The following FAM149B1 variants were observed in gnomAD, a reference collection of about 807,000 sequenced individuals.
The protein encoded by FAM149B1 is primary cilium assembly protein FAM149B1.
In FAM149B1, 56 loss-of-function variants were observed where a neutral mutation model predicts 75.3. The ratio of observed to expected loss-of-function variants is 0.74; its 90% CI spans 0.60 to 0.93. The LOEUF (loss-of-function observed/expected upper bound fraction) is 0.93, where lower values mean the gene tolerates loss of function less well. Among genes scored for constraint, FAM149B1 ranks in the 40% least tolerant of loss-of-function variants. The probability of loss-of-function intolerance (pLI) is 0.00; values close to 1 mark genes in which losing one functional copy is unlikely to be tolerated. For synonymous variants in FAM149B1, 259 were observed against 256.1 expected (o/e 1.01, Z -0.11); for missense variants, 639 against 708.4 (o/e 0.90, Z 1.11).
intron 7 of FAM149B1, among the ~76,000 whole-genome samples, chr10:73,226,988 T>C (rs1314355016): frequency 2.0e-5 from 3 of 152,264 alleles, no homozygotes; most frequent in South Asian, 4.1e-4. Flanking sequence ...TATAAAACTC[T>C]GGTGAAATGT....
chr10:73,188,064 C>CA (rs1305458867), intron 3 of FAM149B1, among the ~76,000 whole-genome samples: 1 of 152,114 alleles, frequency 6.6e-6, no homozygotes, highest in African/African-American at 2.4e-5. Context: ...GCCTGAGTGA[C>CA]AGAGCATGAC....
chr10:73,193,430 A>AT, intron 4 of FAM149B1, 47 bp from the exon 5 acceptor site: 1 of 1,526,592 alleles, frequency 6.6e-7, no homozygotes, highest in Non-Finnish European at 8.8e-7. Flanking sequence ...TTTTGTATGT[A>AT]TGCCAGTGAA....
chr10:73,185,922 G>GA (rs1160492281), intron 3 of FAM149B1, among the ~76,000 whole-genome samples: 1 of 152,036 alleles, frequency 6.6e-6, no homozygotes, highest in Non-Finnish European at 1.5e-5. Context: ...TTTCAGAAAA[G>GA]AAAGAACAGT....
Position 73,230,313 on chromosome 10 carries a change from G to A in FAM149B1, c.1024-109G>A. ...GATGTTATAAAAATTAAAGCATGGG[G>A]AAAAAGTATAAATAACCAAATTGGA... On this transcript the variant is annotated intron_variant, in intron 8 of 13. Coordinates refer to ENST00000242505, the MANE Select transcript of FAM149B1 (RefSeq NM_173348.2). 4.5e-6 allele frequency: 3 copies of A among 667,024 alleles called. No individual in the cohort carries two copies. In the Admixed American group the frequency reaches 7.4e-5, roughly 17 times the overall value. The allele number at this position is 667,024 out of a possible 1,614,324, so 41.3% of individuals were successfully genotyped here. A position where few individuals can be genotyped will look rare whatever the true frequency, so the allele number is the denominator to read the frequency against.
At position 73,241,178 on chromosome 10, in the gene FAM149B1, C is replaced by A. The variant is rs929285231; in HGVS notation, c.*159C>A. 5 of 604,842 alleles carry A rather than the reference C, an allele frequency of 8.3e-6. No homozygotes were observed. Among genetic ancestry groups the A allele is most frequent in the South Asian group, 1.8e-5 (1 of 54,154 alleles). 37.5% of individuals were successfully genotyped at this position (604,842 alleles called of 1,614,324 possible). ...GTGACCGAAGAACAAAACACCATAG[C>A]AGCCAAAAATGACATGAGTGTTGTT... On this transcript the variant is annotated 3_prime_UTR_variant, in exon 14 of 14. Coordinates refer to ENST00000242505, the MANE Select transcript of FAM149B1 (RefSeq NM_173348.2).
intron 13 of FAM149B1, among the ~76,000 whole-genome samples, chr10:73,240,636 T>C (rs1032959478): frequency 2.0e-5 from 3 of 149,030 alleles, no homozygotes; most frequent in South Asian, 2.1e-4. Context: ...GAGGTGAACC[T>C]GGGAGGCAGA....
chr10:73,240,329 C>T (rs146589016), intron 13 of FAM149B1, among the ~76,000 whole-genome samples: 1 of 152,274 alleles, frequency 6.6e-6, no homozygotes, highest in East Asian at 1.9e-4. Context: ...AGCTCAGTTC[C>T]CCGCAGCATT....
At chr10:73,172,873 G>A (rs1843773904) in intron 1 of FAM149B1, among the ~76,000 whole-genome samples, 1 of 151,870 alleles carries the variant, frequency 6.6e-6, no homozygotes, top group African/African-American at 2.4e-5. Context: ...GGAGGCTGAG[G>A]TAGGAGGATC....
At chr10:73,232,486 G>A (rs914339373) in intron 9 of FAM149B1, among the ~76,000 whole-genome samples, 1 of 152,188 alleles carries the variant, frequency 6.6e-6, no homozygotes, top group Non-Finnish European at 1.5e-5. Context: ...GAGCCACACT[G>A]GTGCCACAAC....
At position 73,181,092 on chromosome 10, in the gene FAM149B1, C is replaced by T. The variant is rs552231056; in HGVS notation, c.282+3117C>T. On this transcript the variant is annotated intron_variant, in intron 3 of 13. Coordinates refer to ENST00000242505, the MANE Select transcript of FAM149B1 (RefSeq NM_173348.2). ...CACGATCTCGGCTCACTGCAAGCTCCGCCTCCCGGGTTCACACCATTCTCC... is the reference window on the plus strand; with the variant it reads ...CACGATCTCGGCTCACTGCAAGCTCTGCCTCCCGGGTTCACACCATTCTCC... Among the ~76,000 whole-genome samples, 59 of 151,844 alleles carry T rather than the reference C, an allele frequency of 3.9e-4. 1 individual carries two copies. Among genetic ancestry groups the T allele is most frequent in the Middle Eastern group, 3.4e-3 (1 of 294 alleles).
In FAM149B1 at chr10:73,217,402, A is replaced by G. The variant is rs189122297; in HGVS notation, c.898+6964A>G. Among the ~76,000 whole-genome samples the G allele has an allele frequency of 1.4e-3, 214 of 152,334 alleles. 1 individual carries two copies. The highest frequency in any genetic ancestry group is 1.3e-3 in the Non-Finnish European group (90 of 68,042). ...CTGTGCTGCTTAACAAACTGTCACA[A>G]ACAGTGGCTTCAAACAACATACCTC... On this transcript the variant is annotated intron_variant, in intron 7 of 13. Transcript: ENST00000242505.
At chr10:73,207,306 G>A in intron 5 of FAM149B1, among the ~76,000 whole-genome samples, 1 of 152,142 alleles carries the variant, frequency 6.6e-6, no homozygotes, top group Non-Finnish European at 1.5e-5. Context: ...GCTCATGCCT[G>A]TAATCCCAGC....
intron 3 of FAM149B1, 86 bp from the exon 4 acceptor site, chr10:73,192,470 C>T: frequency 2.3e-6 from 3 of 1,310,760 alleles, no homozygotes; most frequent in South Asian, 2.8e-5. Flanking sequence ...GTAAACAAAA[C>T]AAGTCTTACT....
rs115333145 is a variant in FAM149B1, at chr10:73,222,263, G to A, written c.899-5797G>A. Among the ~76,000 whole-genome samples the A allele has an allele frequency of 6.5e-3, 989 of 152,260 alleles. 8 individuals are homozygous for A. Among genetic ancestry groups the A allele is most frequent in the African/African-American group, 0.022 (932 of 41,544 alleles). On this transcript the variant is annotated intron_variant, in intron 7 of 13. Transcript: ENST00000242505. ...TGGTCTTTCTTTTATGATTTGTTAG[G>A]TCTGGAGCAATGTTCAGTCTAGAGC...
chr10:73,210,573 A>G (rs2043165486), intron 7 of FAM149B1, 135 bp downstream of exon 7: 5 of 574,706 alleles, frequency 8.7e-6, no homozygotes, highest in Admixed American at 3.6e-5. Flanking sequence ...CCTATAATCC[A>G]AACACTTTGG....
chr10:73,233,211 A>AT, intron 10 of FAM149B1, 48 bp downstream of exon 10: 1 of 1,231,592 alleles, frequency 8.1e-7, no homozygotes, highest in Non-Finnish European at 1.2e-6. Flanking sequence ...AAACTAACAC[A>AT]TTTTACATAC....
chr10:73,223,229 C>G (rs1174322708), intron 7 of FAM149B1, among the ~76,000 whole-genome samples: 1 of 252 alleles, frequency 4.0e-3, no homozygotes. Context: ...AATCCGTACC[C>G]CCACAAGATA....
chr10:73,234,747 C>A, intron 10 of FAM149B1, 70 bp from the exon 11 acceptor site: 1 of 1,492,572 alleles, frequency 6.7e-7, no homozygotes, highest in South Asian at 1.3e-5. Context: ...TATCTGATTT[C>A]TAATCAATTT....
chr10:73,224,067 A>C (rs1487708608), intron 7 of FAM149B1, among the ~76,000 whole-genome samples: 2 of 152,202 alleles, frequency 1.3e-5, no homozygotes, highest in Non-Finnish European at 2.9e-5. Context: ...TTGAGACTAA[A>C]GTCTAAAAAC....
Sources: allele counts gnomAD v4.1 joint callset (sites outside exome capture counted in the v4.1 genomes callset), GRCh38; gene constraint gnomAD v4.1.1; transcripts MANE v1.5; gene names NCBI Gene and HGNC (gene_info 2026-07-23, HGNC 2026-07-21).